ZSCAN25: variants seen among roughly 807,000 people sequenced by gnomAD.
The protein encoded by ZSCAN25 is zinc finger and SCAN domain-containing protein 25.
Under a neutral mutation model 38.7 loss-of-function variants are expected in ZSCAN25, and 27 were observed. The observed-to-expected ratio is 0.70, with a 90% CI of 0.51 to 0.96. The LOEUF (loss-of-function observed/expected upper bound fraction) is 0.96, where lower values mean the gene tolerates loss of function less well. Among genes scored for constraint, ZSCAN25 ranks in the 40% least tolerant of loss-of-function variants. The probability of loss-of-function intolerance (pLI) is 0.00; values close to 1 mark genes in which losing one functional copy is unlikely to be tolerated. For synonymous variants in ZSCAN25, 273 were observed against 277.7 expected (o/e 0.98, Z 0.17); for missense variants, 637 against 705.9 (o/e 0.90, Z 1.11).
At chr7:99,663,848 G>T in the ZSCAN25 span, 18 of 1,404,244 alleles carry the variant, frequency 1.3e-5, no homozygotes, top group Non-Finnish European at 1.7e-5. Flanking sequence ...GGCTTCTCTT[G>T]TTCTAAACAT....
chr7:99,715,500 A>G, the ZSCAN25 span: 1 of 506,050 alleles, frequency 2.0e-6, no homozygotes, highest in South Asian at 2.1e-5. Flanking sequence ...GCAAATCTAT[A>G]GATGCAGAAA....
At chr7:99,685,151 T>G in the ZSCAN25 span, 1 of 1,604,792 alleles carries the variant, frequency 6.2e-7, no homozygotes, top group Non-Finnish European at 8.5e-7. Context: ...CAGGTTCCAC[T>G]TACGGTCCCA....
At chr7:99,662,266 T>C in the ZSCAN25 span, among the ~76,000 whole-genome samples, 1 of 152,218 alleles carries the variant, frequency 6.6e-6, no homozygotes, top group Non-Finnish European at 1.5e-5. This position sits in a 1 kb window ranked among gnomAD's most constrained non-coding sequence, Gnocchi z 4.3. Context: ...TTAGTAATAA[T>C]GGTTTTGGTT....
chr7:99,736,720 C>T, the ZSCAN25 span, among the ~76,000 whole-genome samples: 1 of 152,218 alleles, frequency 6.6e-6, no homozygotes, highest in South Asian at 2.1e-4. Context: ...AACTGATACT[C>T]ACCCCAGAAA....
chr7:99,735,202 A>G, the ZSCAN25 span: 2 of 1,426,648 alleles, frequency 1.4e-6, no homozygotes, highest in Non-Finnish European at 1.9e-6. Context: ...GCAGTGATTC[A>G]GTGAGGCTGT....
chr7:99,620,219 A>G (rs913698689), intron 4 of ZSCAN25: 1 of 621,494 alleles, frequency 1.6e-6, no homozygotes, highest in Admixed American at 3.2e-5. Context: ...CTGTTTGGTC[A>G]TGAGGGCAGA....
At chr7:99,722,367 T>C in the ZSCAN25 span, 2 of 1,612,698 alleles carry the variant, frequency 1.2e-6, no homozygotes. Flanking sequence ...AGAAACAAAA[T>C]AATATTTCAT....
the ZSCAN25 span, among the ~76,000 whole-genome samples, chr7:99,702,137 T>C: frequency 6.6e-6 from 1 of 150,440 alleles, no homozygotes; most frequent in African/African-American, 2.5e-5. Context: ...TTGCCCAGGC[T>C]GGCATGCATT....
the ZSCAN25 span, chr7:99,676,208 T>C: frequency 6.2e-7 from 1 of 1,613,594 alleles, no homozygotes; most frequent in Non-Finnish European, 8.5e-7. Flanking sequence ...GGGTCCCATA[T>C]CTACAAAGTG....
At chr7:99,734,042 C>T in the ZSCAN25 span, among the ~76,000 whole-genome samples, 1 of 152,116 alleles carries the variant, frequency 6.6e-6, no homozygotes, top group East Asian at 1.9e-4. Flanking sequence ...TTTTATCACT[C>T]AGAAGGAACA....
the ZSCAN25 span, among the ~76,000 whole-genome samples, chr7:99,734,428 T>C: frequency 1.3e-5 from 2 of 152,148 alleles, no homozygotes; most frequent in Non-Finnish European, 2.9e-5. Flanking sequence ...TTTGGTAAGC[T>C]GGGTACAAAC....
At position 99,631,797 on chromosome 7, in the gene ZSCAN25, C is replaced by T. The variant is rs567439821; in HGVS notation, c.*1777C>T. On this transcript the variant is annotated 3_prime_UTR_variant, in exon 8 of 8. Transcript: ENST00000394152. ...CTTCCTGGCTCATTAGCTGTGCCCA[C>T]GAGGCTGCACTGACTGGGTCGTAAA... The T allele has an allele frequency of 1.2e-3, 1,200 of 985,404 alleles. 2 individuals are homozygous for T. Among genetic ancestry groups the T allele is most frequent in the Non-Finnish European group, 1.4e-3 (1,139 of 829,934 alleles). The allele number at this position is 985,404 out of a possible 1,614,324, so 61.0% of individuals were successfully genotyped here.
At chr7:99,666,498 G>T in the ZSCAN25 span, 1 of 1,271,162 alleles carries the variant, frequency 7.9e-7, no homozygotes, top group Non-Finnish European at 1.1e-6. Flanking sequence ...CCCTGCTTTT[G>T]TCTGGTCACT....
chr7:99,696,375 A>G, the ZSCAN25 span, among the ~76,000 whole-genome samples: 1 of 152,042 alleles, frequency 6.6e-6, no homozygotes, highest in African/African-American at 2.4e-5. Flanking sequence ...CTTTCCCTCT[A>G]AGCTCTGACC....
the ZSCAN25 span, among the ~76,000 whole-genome samples, chr7:99,678,523 G>T: frequency 1.3e-5 from 2 of 152,122 alleles, no homozygotes; most frequent in African/African-American, 4.8e-5. Context: ...TGTCTTAGAG[G>T]TATACATTTG....
downstream of ZSCAN25, among the ~76,000 whole-genome samples, chr7:99,634,178 G>A (rs1562975547): frequency 6.6e-6 from 1 of 152,224 alleles, no homozygotes; most frequent in Non-Finnish European, 1.5e-5. Flanking sequence ...TTCTCCCCTG[G>A]GTGGTGGTAG....
At chr7:99,637,422 A>T in the ZSCAN25 span, among the ~76,000 whole-genome samples, 1 of 152,270 alleles carries the variant, frequency 6.6e-6, no homozygotes, top group East Asian at 1.9e-4. Flanking sequence ...GAAAAACAGC[A>T]AAGTGACTAC....
chr7:99,733,943 A>G, the ZSCAN25 span, among the ~76,000 whole-genome samples: 5 of 152,370 alleles, frequency 3.3e-5, no homozygotes, highest in Admixed American at 1.3e-4. Flanking sequence ...ATATATTTGT[A>G]CATTAGACTC....
chr7:99,628,940 A>G (rs569521459), intron 7 of ZSCAN25, among the ~76,000 whole-genome samples: 6 of 152,312 alleles, frequency 3.9e-5, no homozygotes, highest in African/African-American at 1.2e-4. Context: ...ATTGAGCTAC[A>G]TTTTGTAAGA....
Sources: gnomAD v4.1 joint callset for allele counts (sites outside exome capture counted in the v4.1 genomes callset) on GRCh38, gnomAD v4.1.1 for gene constraint, Gnocchi (gnomAD v3.1) non-coding constraint, MANE v1.5 for transcripts, NCBI Gene and HGNC (gene_info 2026-07-23, HGNC 2026-07-21) for gene names.